RASAL2: variants seen among roughly 807,000 people sequenced by gnomAD.
The protein encoded by RASAL2 is RAS protein activator like 2.
RASAL2 carries 58 observed loss-of-function variants against 128.9 expected under a neutral mutation model. The observed-to-expected ratio is 0.45, with a 90% CI of 0.36 to 0.56. The LOEUF is 0.56. Among genes scored for constraint, RASAL2 ranks in the 20% least tolerant of loss-of-function variants. The probability of loss-of-function intolerance (pLI) is 0.00; values close to 1 mark genes in which losing one functional copy is unlikely to be tolerated. For missense variants in RASAL2, 1,360 were observed against 1,601.6 expected (o/e 0.85, Z 2.57); for synonymous variants, 561 against 580.8 (o/e 0.97, Z 0.49).
Position 178,397,086 on chromosome 1 carries a change from A to G in RASAL2, c.564+6880A>G, listed in dbSNP as rs937959327. On this transcript the variant is annotated intron_variant, in intron 4 of 17. Transcript: ENST00000367649. The stretch of plus-strand genomic sequence containing the variant: ...TTTTGACAGCTCCTCAAAACATTAA[A>G]TGTAGAGTTTCTATATGACCTAGCA... 2.0e-5 allele frequency among the ~76,000 whole-genome samples: 3 copies of G among 152,322 alleles called. No homozygotes were observed. The South Asian group carries it at 6.2e-4, about 32-fold the overall frequency.
chr1:178,230,331 A>G (rs865823293), intron 1 of RASAL2, among the ~76,000 whole-genome samples: 3 of 152,236 alleles, frequency 2.0e-5, no homozygotes, highest in Non-Finnish European at 2.9e-5. Flanking sequence ...TTGCTGGTTC[A>G]TAGGGCAGAT....
chr1:178,380,331 G>T (rs562422922), intron 3 of RASAL2, among the ~76,000 whole-genome samples: 135 of 151,982 alleles, frequency 8.9e-4, no homozygotes, highest in African/African-American at 3.1e-3. Flanking sequence ...AAAAGAAAAA[G>T]AAAAAAATTA....
chr1:178,422,034 A>T (rs917553321), intron 5 of RASAL2, among the ~76,000 whole-genome samples: 1 of 152,122 alleles, frequency 6.6e-6, no homozygotes, highest in Non-Finnish European at 1.5e-5. Flanking sequence ...ATTCTTAAGA[A>T]CAAAAATGTT....
chr1:178,259,122 CTTTTTT>C (rs59978357), intron 1 of RASAL2, among the ~76,000 whole-genome samples: 4 of 70,538 alleles, frequency 5.7e-5, no homozygotes, highest in African/African-American at 2.2e-4. Context: ...AATGAAACTT[CTTTTTT>C]TTTTTTTTTT....
chr1:178,163,040 G>A lies in RASAL2; in HGVS notation c.202+68346G>A, dbSNP rs187903417. Among the ~76,000 whole-genome samples the A allele has an allele frequency of 7.4e-4, 112 of 151,468 alleles. No homozygotes were observed. In the East Asian group the frequency reaches 0.012, roughly 17 times the overall value. On this transcript the variant is annotated intron_variant, in intron 1 of 17. Coordinates refer to ENST00000367649, the MANE Select transcript of RASAL2 (RefSeq NM_170692.4). ...GGCTGGAGTGCGGTGGTGTGATCTCGGCTCACTGAAACCTCTGCCTCCTGG... is the reference window on the plus strand; with the variant it reads ...GGCTGGAGTGCGGTGGTGTGATCTCAGCTCACTGAAACCTCTGCCTCCTGG...
At chr1:178,271,359 C>T (rs551794956) in intron 1 of RASAL2, among the ~76,000 whole-genome samples, 149 of 152,290 alleles carry the variant, frequency 9.8e-4, no homozygotes, top group African/African-American at 3.4e-3. Context: ...GGGTCCATGT[C>T]TCTGTCTCTC....
intron 1 of RASAL2, among the ~76,000 whole-genome samples, chr1:178,224,365 T>G (rs1292059190): frequency 6.6e-6 from 1 of 152,120 alleles, no homozygotes; most frequent in African/African-American, 2.4e-5. Context: ...TAGACGTATC[T>G]TTGTCTCTTA....
At chr1:178,369,168 T>C (rs1261011755) in intron 3 of RASAL2, among the ~76,000 whole-genome samples, 1 of 150,942 alleles carries the variant, frequency 6.6e-6, no homozygotes, top group Non-Finnish European at 1.5e-5. Context: ...CATTTTCTTT[T>C]TTCTTTTTTT....
rs78523871 is a variant in RASAL2 at position 178,381,167 on chromosome 1, A to G, written c.458-8933A>G. On this transcript the variant is annotated intron_variant, in intron 3 of 17. Transcript: ENST00000367649. Reference sequence around the variant, plus strand: ...AGTAGGGCCAGGTGATTTTTTTCCTAATGTCTGACTATCTAAAGATCTCTA... The same window carrying G: ...AGTAGGGCCAGGTGATTTTTTTCCTGATGTCTGACTATCTAAAGATCTCTA... Among the ~76,000 whole-genome samples, 296 of 152,286 alleles carry G rather than the reference A, an allele frequency of 1.9e-3. 1 individual carries two copies. Among genetic ancestry groups the G allele is most frequent in the African/African-American group, 7.0e-3 (291 of 41,560 alleles).
chr1:178,244,649 G>C (rs1405893092), intron 1 of RASAL2, among the ~76,000 whole-genome samples: 1 of 152,268 alleles, frequency 6.6e-6, no homozygotes, highest in East Asian at 1.9e-4. Flanking sequence ...ATGGTGGTTT[G>C]CTGCACCTAT....
intron 9 of RASAL2, among the ~76,000 whole-genome samples, 170 bp downstream of exon 9, chr1:178,445,832 G>A (rs559892891): frequency 9.7e-4 from 148 of 152,230 alleles, no homozygotes; most frequent in Non-Finnish European, 1.8e-3. Flanking sequence ...CACCAGTAGA[G>A]AAATAATAAT....
rs1558007616 is a variant in RASAL2, at chr1:178,458,534, A to G, written c.3242A>G (p.Gln1081Arg). Residue 1081 changes from glutamine to arginine, a missense_variant, in exon 14 of 18, where the codon CAG (glutamine) becomes CGG (arginine). By Grantham distance (43) the Gln-to-Arg change is conservative (BLOSUM62 1). Coordinates refer to ENST00000367649, the MANE Select transcript of RASAL2 (RefSeq NM_170692.4). The stretch of plus-strand genomic sequence containing the variant: ...AAAGTTAGAGCAATCCAGAGACAAC[A>G]GACACAGCAGGTAGGTGTGAGTGCT... ...VPKVRAIQRQ[Q>R]TQQVQSPVDS... 3.1e-6 allele frequency: 5 copies of G among 1,608,826 alleles called. No individual in the cohort carries two copies. The highest frequency in any genetic ancestry group is 4.2e-6 in the Non-Finnish European group (5 of 1,177,506).
At chr1:178,307,450 A>G (rs1033736879) in intron 3 of RASAL2, among the ~76,000 whole-genome samples, 4 of 152,186 alleles carry the variant, frequency 2.6e-5, no homozygotes, top group African/African-American at 9.7e-5. Context: ...CAAACCATGC[A>G]AAGCATGACT....
At chr1:178,257,530 A>T (rs1157373794) in intron 1 of RASAL2, among the ~76,000 whole-genome samples, 1 of 152,116 alleles carries the variant, frequency 6.6e-6, no homozygotes, top group African/African-American at 2.4e-5. Context: ...TCATAAGAGT[A>T]TAATAACTTT....
intron 4 of RASAL2, among the ~76,000 whole-genome samples, chr1:178,412,444 A>G (rs1004900216): frequency 3.9e-5 from 6 of 152,198 alleles, no homozygotes. Context: ...CTTCAACTAA[A>G]TAGAGCTGTG....
intron 1 of RASAL2, among the ~76,000 whole-genome samples, chr1:178,185,229 G>A (rs868111227): frequency 1.5e-4 from 22 of 151,352 alleles, no homozygotes; most frequent in African/African-American, 4.6e-4. Context: ...TTTTGGTTCC[G>A]AGAGGTTTTT....
At chr1:178,258,299 A>G (rs1027421232) in intron 1 of RASAL2, among the ~76,000 whole-genome samples, 1 of 151,724 alleles carries the variant, frequency 6.6e-6, no homozygotes, top group Non-Finnish European at 1.5e-5. Flanking sequence ...ATCTCAAAAA[A>G]AAAAAAAAAA....
At chr1:178,412,436 TC>T (rs1674452585) in intron 4 of RASAL2, among the ~76,000 whole-genome samples, 2 of 152,156 alleles carry the variant, frequency 1.3e-5, no homozygotes, top group South Asian at 4.1e-4. Context: ...TGAAAAAACT[TC>T]AACTAAATAG....
chr1:178,347,674 C>A (rs1353375506), intron 3 of RASAL2, among the ~76,000 whole-genome samples: 4 of 152,156 alleles, frequency 2.6e-5, no homozygotes, highest in Non-Finnish European at 5.9e-5. Flanking sequence ...TGATAAGTAT[C>A]TGGAACAAAA....
Sources: allele counts gnomAD v4.1 joint callset (sites outside exome capture counted in the v4.1 genomes callset), GRCh38; gene constraint gnomAD v4.1.1; transcripts MANE v1.5; gene names NCBI Gene and HGNC (gene_info 2026-07-23, HGNC 2026-07-21).